MYRIP: variants seen among roughly 807,000 people sequenced by gnomAD.
MYRIP encodes the protein myosin VIIA and Rab interacting protein.
Under a neutral mutation model 98.0 loss-of-function variants are expected in MYRIP, and 49 were observed. That is an observed-to-expected ratio of 0.50 (90% CI 0.40 to 0.63). The LOEUF (loss-of-function observed/expected upper bound fraction) is 0.63. MYRIP is among the 30% of genes least tolerant of loss of function. MYRIP has a pLI of 0.00. For missense variants in MYRIP, 1,004 were observed against 1,058.2 expected (o/e 0.95, Z 0.71); for synonymous variants, 404 against 409.5 (o/e 0.99, Z 0.16).
At chr3:40,247,388 TA>T (rs1472773129) in intron 13 of MYRIP, among the ~76,000 whole-genome samples, 1 of 152,214 alleles carries the variant, frequency 6.6e-6, no homozygotes, top group African/African-American at 2.4e-5. Context: ...TTATTGTATT[TA>T]TTTTTTTCAG....
intron 2 of MYRIP, among the ~76,000 whole-genome samples, chr3:39,991,087 A>G (rs1049795954): frequency 3.3e-5 from 5 of 152,224 alleles, no homozygotes; most frequent in African/African-American, 7.2e-5. Flanking sequence ...ACCAGGGCAC[A>G]TGTATACCTA....
At chr3:39,817,729 T>C (rs1940967957) in intron 1 of MYRIP, among the ~76,000 whole-genome samples, 2 of 152,222 alleles carry the variant, frequency 1.3e-5, no homozygotes, top group Non-Finnish European at 2.9e-5. Context: ...ACATTTCAAG[T>C]GCTCAGTAGC....
At chr3:40,194,106 C>G (rs144116174) in intron 10 of MYRIP, among the ~76,000 whole-genome samples, 2 of 151,738 alleles carry the variant, frequency 1.3e-5, no homozygotes, top group Non-Finnish European at 2.9e-5. Context: ...CAGTTATTTC[C>G]TTTATTATTT....
chr3:39,952,157 T>G (rs1945032989), intron 2 of MYRIP, among the ~76,000 whole-genome samples: 1 of 152,236 alleles, frequency 6.6e-6, no homozygotes, highest in Non-Finnish European at 1.5e-5. Context: ...TACATCATCT[T>G]TTGCACATGG....
At chr3:40,077,035 T>C (rs201097838) in intron 3 of MYRIP, among the ~76,000 whole-genome samples, 1 of 152,156 alleles carries the variant, frequency 6.6e-6, no homozygotes, top group Non-Finnish European at 1.5e-5. Flanking sequence ...CCGTGGACCC[T>C]TGCGGTGAGT....
Position 39,927,129 on chromosome 3 carries a change from A to C in MYRIP, c.110+26203A>C, listed in dbSNP as rs1035362858. Among the ~76,000 whole-genome samples, 11 of 152,070 alleles carry C rather than the reference A, an allele frequency of 7.2e-5. No homozygotes were observed. In the South Asian group the frequency reaches 1.9e-3, roughly 26 times the overall value. On this transcript the variant is annotated intron_variant, in intron 2 of 16. Transcript: ENST00000302541. ...TTTCTTGATTTGGATCCCAGCTTTA[A>C]CATTATTGGTGCACAGAAATGTTAC... is the stretch of plus-strand genomic sequence containing the variant.
intron 2 of MYRIP, among the ~76,000 whole-genome samples, chr3:39,926,998 ATTCTT>A: frequency 6.6e-6 from 1 of 152,004 alleles, no homozygotes; most frequent in Middle Eastern, 3.4e-3. Context: ...TCATCTGTAA[ATTCTT>A]TCAGCAGGGT....
At chr3:40,064,839 A>G (rs1948093965) in intron 3 of MYRIP, among the ~76,000 whole-genome samples, 1 of 152,220 alleles carries the variant, frequency 6.6e-6, no homozygotes, top group Non-Finnish European at 1.5e-5. Context: ...CCCTGTTAAA[A>G]GCGATGGGAA....
intron 2 of MYRIP, among the ~76,000 whole-genome samples, chr3:39,916,421 A>AG (rs1944161328): frequency 6.7e-6 from 1 of 150,340 alleles, no homozygotes; most frequent in Non-Finnish European, 1.5e-5. Context: ...AAAAAAAAAA[A>AG]TCACACCAAA....
chr3:40,043,060 A>C (rs1283561385), intron 2 of MYRIP, among the ~76,000 whole-genome samples: 26 of 152,184 alleles, frequency 1.7e-4, no homozygotes, highest in Admixed American at 1.7e-3. Context: ...TTTTTAATGA[A>C]TCCATGTAGT....
intron 1 of MYRIP, among the ~76,000 whole-genome samples, chr3:39,859,192 A>T (rs1353088033): frequency 2.0e-5 from 3 of 152,046 alleles, no homozygotes; most frequent in Non-Finnish European, 2.9e-5. Context: ...TCTAAATGAA[A>T]CAGGATACAA....
chr3:39,886,950 C>A (rs1313364595), intron 1 of MYRIP, among the ~76,000 whole-genome samples: 1 of 152,010 alleles, frequency 6.6e-6, no homozygotes, highest in Non-Finnish European at 1.5e-5. Flanking sequence ...TAAAGCTCTC[C>A]TCAGCAAATG....
chr3:40,079,772 G>A (rs928146437), intron 3 of MYRIP, among the ~76,000 whole-genome samples: 4 of 152,294 alleles, frequency 2.6e-5, no homozygotes, highest in Admixed American at 2.0e-4. Flanking sequence ...CAAGGGAGCT[G>A]GAAGTATAGC....
intron 3 of MYRIP, chr3:40,100,276 G>A (rs999415629): frequency 1.0e-6 from 1 of 984,814 alleles, no homozygotes; most frequent in African/African-American, 1.7e-5. Flanking sequence ...AAGCAACATT[G>A]ACTTGTCCTT....
chr3:40,074,881 T>C (rs1260990090), intron 3 of MYRIP, among the ~76,000 whole-genome samples: 2 of 152,178 alleles, frequency 1.3e-5, no homozygotes, highest in East Asian at 3.8e-4. Flanking sequence ...CATCATATGT[T>C]ATCAGGAAAA....
intron 4 of MYRIP, among the ~76,000 whole-genome samples, chr3:40,162,137 C>A (rs763952280): frequency 6.6e-6 from 1 of 152,206 alleles, no homozygotes; most frequent in African/African-American, 2.4e-5. Flanking sequence ...CCCTGCTGAA[C>A]ACTTTCACTG....
At chr3:40,045,267 G>A (rs961461252) in intron 3 of MYRIP, among the ~76,000 whole-genome samples, 3 of 152,144 alleles carry the variant, frequency 2.0e-5, no homozygotes, top group Non-Finnish European at 4.4e-5. Flanking sequence ...GGTCTCCAAG[G>A]AATCAGGCTC....
chr3:39,998,673 A>G (rs571790697), intron 2 of MYRIP, among the ~76,000 whole-genome samples: 2,346 of 152,214 alleles, frequency 0.015, 52 homozygotes, highest in African/African-American at 0.052. Context: ...AATTGGAAAA[A>G]CTACTTTAAA....
At position 40,211,977 on chromosome 3, in the gene MYRIP, C is replaced by T. The variant is rs187019244; in HGVS notation, c.1905+1884C>T. Among the ~76,000 whole-genome samples, 205 of 151,664 alleles carry T rather than the reference C, an allele frequency of 1.4e-3. 1 individual carries two copies. The highest frequency in any genetic ancestry group is 5.2e-3 in the South Asian group (25 of 4,792). On this transcript the variant is annotated intron_variant, in intron 11 of 16. Transcript: ENST00000302541. ...AGAGAGTTGGCTTTATTCAGATTCC[C>T]GAATGTGTCAGCTTTTCAAAGTTCA...
Sources: allele counts gnomAD v4.1 joint callset (sites outside exome capture counted in the v4.1 genomes callset), GRCh38; gene constraint gnomAD v4.1.1; transcripts MANE v1.5; gene names NCBI Gene and HGNC (gene_info 2026-07-23, HGNC 2026-07-21).